OPA1: variants seen among roughly 807,000 people sequenced by gnomAD.
OPA1 encodes the protein dynamin-like GTPase OPA1, mitochondrial.
In OPA1, 59 loss-of-function variants were observed where a neutral mutation model predicts 152.9. That is an observed-to-expected ratio of 0.39 (90% confidence interval 0.31 to 0.48). The LOEUF (loss-of-function observed/expected upper bound fraction) is 0.48. Among genes scored for constraint, OPA1 ranks in the 20% least tolerant of loss-of-function variants. The probability of loss-of-function intolerance (pLI) is 0.96; values close to 1 mark genes in which losing one functional copy is unlikely to be tolerated. For missense variants in OPA1, 1,008 were observed against 1,216.8 expected, an observed-to-expected ratio of 0.83 and a Z score of 2.55; for synonymous variants, 400 against 389.9, an observed-to-expected ratio of 1.03 and a Z score of -0.31.
intron 7 of OPA1, among the ~76,000 whole-genome samples, chr3:193,630,226 GT>G (rs1274477646): frequency 6.6e-6 from 1 of 151,620 alleles, no homozygotes; most frequent in Non-Finnish European, 1.5e-5. Flanking sequence ...AACACACACA[GT>G]CAAAATGAAA....
At chr3:193,689,956 C>T (rs1721439629) in intron 29 of OPA1, among the ~76,000 whole-genome samples, 1 of 151,680 alleles carries the variant, frequency 6.6e-6, no homozygotes, top group Admixed American at 6.6e-5. Context: ...TCCTAACCTC[C>T]CCACTTTTTA....
intron 22 of OPA1, among the ~76,000 whole-genome samples, chr3:193,656,848 G>A (rs896062217): frequency 3.3e-5 from 5 of 152,050 alleles, no homozygotes; most frequent in African/African-American, 9.7e-5. Flanking sequence ...AATGAGAACC[G>A]CTATACATGT....
In OPA1 at chr3:193,626,119, C is replaced by G. The variant is rs779375399; in HGVS notation, c.706C>G (p.Gln236Glu). 2 of 1,613,960 alleles carry G rather than the reference C, an allele frequency of 1.2e-6. No individual in the cohort carries two copies. The highest frequency in any genetic ancestry group is 2.7e-5 in the African/African-American group (2 of 75,002). ...TCTGCTTGGTGAGCTCATTCTCTTA[C>G]AACAACAAATTCAAGAGCATGAAGA... Reference protein sequence around the residue: ...KGLLGELILLQQQIQEHEEEA... With the variant: ...KGLLGELILLEQQIQEHEEEA... The change falls in exon 7 of 31, where the codon CAA becomes GAA. Residue 236 changes from glutamine (Q) to glutamate (E), a missense_variant. Gln to Glu is a conservative substitution (Grantham distance 29). Coordinates refer to ENST00000361510, the MANE Select transcript of OPA1 (RefSeq NM_130837.3).
At chr3:193,670,945 A>T (rs550044339) in intron 29 of OPA1, among the ~76,000 whole-genome samples, 1 of 152,318 alleles carries the variant, frequency 6.6e-6, no homozygotes, top group East Asian at 1.9e-4. Flanking sequence ...AGGAGATGTC[A>T]GCAGGTCACA....
chr3:193,618,792 A>C (rs1729497374), intron 5 of OPA1, 77 bp from the exon 6 acceptor site: 1 of 1,144,834 alleles, frequency 8.7e-7, no homozygotes. Context: ...CTTTTCATTG[A>C]CTCGATGTAA....
At chr3:193,672,758 A>G (rs1370153476) in intron 29 of OPA1, among the ~76,000 whole-genome samples, 1 of 151,402 alleles carries the variant, frequency 6.6e-6, no homozygotes, top group Non-Finnish European at 1.5e-5. Context: ...AATTCCAGCT[A>G]CTCGGGAGGC....
chr3:193,663,599 A>G (rs547805435), intron 26 of OPA1, among the ~76,000 whole-genome samples: 20 of 152,266 alleles, frequency 1.3e-4, no homozygotes, highest in African/African-American at 3.8e-4. Context: ...AAGGAATTCA[A>G]AAGCTCCTTA....
At chr3:193,648,960 T>A in intron 21 of OPA1, 89 bp downstream of exon 21, 2 of 980,922 alleles carry the variant, frequency 2.0e-6, no homozygotes, top group Middle Eastern at 2.8e-4. Flanking sequence ...AAAGCAGTGA[T>A]TTATTGTTGC....
At chr3:193,692,176 A>C (rs759272343) in intron 30 of OPA1, 44 bp downstream of exon 30, 1 of 990,696 alleles carries the variant, frequency 1.0e-6, no homozygotes, top group Admixed American at 2.0e-5. Context: ...ACTAAATACA[A>C]AATTACACTT....
intron 13 of OPA1, 67 bp from the exon 14 acceptor site, chr3:193,643,306 C>A (rs1734059848): frequency 3.0e-6 from 4 of 1,316,718 alleles, no homozygotes; most frequent in South Asian, 2.4e-5. Flanking sequence ...TACATTTCAC[C>A]AAAAAAAATT....
chr3:193,628,588 C>G (rs1450117314), intron 7 of OPA1: 2 of 152,180 alleles, frequency 1.3e-5, no homozygotes, highest in Non-Finnish European at 2.9e-5. Context: ...GCTCTGGTTT[C>G]AAGACCATTG....
chr3:193,608,088 T>C (rs1000432504), intron 1 of OPA1, among the ~76,000 whole-genome samples: 15 of 152,194 alleles, frequency 9.9e-5, no homozygotes, highest in Non-Finnish European at 2.2e-4. Context: ...ATAAGAATGC[T>C]CTCTTTTGTT....
intron 21 of OPA1, among the ~76,000 whole-genome samples, chr3:193,650,449 C>T (rs757473287): frequency 1.2e-4 from 19 of 152,112 alleles, no homozygotes; most frequent in Non-Finnish European, 2.4e-4. Flanking sequence ...AAATATTTTC[C>T]ACATATTTTA....
At chr3:193,662,760 C>T (rs1715596289) in intron 25 of OPA1, 62 bp from the exon 26 acceptor site, 1 of 1,375,352 alleles carries the variant, frequency 7.3e-7, no homozygotes, top group South Asian at 1.2e-5. Flanking sequence ...AAAATTGAGA[C>T]TGTTTTTCAA....
chr3:193,644,348 T>C (rs776547122), intron 16 of OPA1, among the ~76,000 whole-genome samples: 1 of 152,108 alleles, frequency 6.6e-6, no homozygotes. Context: ...CACATTTAAT[T>C]CCTCCAGCAA....
At chr3:193,619,040 C>A in intron 6 of OPA1, 104 bp downstream of exon 6, 1 of 874,134 alleles carries the variant, frequency 1.1e-6, no homozygotes, top group Non-Finnish European at 1.9e-6. Flanking sequence ...GAAGCAAATA[C>A]AAAAACATCC....
chr3:193,654,006 C>T (rs1398292239), intron 21 of OPA1, among the ~76,000 whole-genome samples: 1 of 152,002 alleles, frequency 6.6e-6, no homozygotes, highest in Non-Finnish European at 1.5e-5. Flanking sequence ...CATGTAATTA[C>T]CATATGATCC....
chr3:193,642,981 G>A lies in OPA1; in HGVS notation c.1237G>A (p.Ala413Thr), dbSNP rs1734009987. Reference sequence around the variant, plus strand: ...ATTTTGTGTTTTCCATTAGCTTGCAGCATTAAGACATGAAATAGAACTTCG... The same window carrying A: ...ATTTTGTGTTTTCCATTAGCTTGCAACATTAAGACATGAAATAGAACTTCG... ...FDLTKEEDLA[A>T]LRHEIELRMR... Residue 413 changes from alanine to threonine, a missense_variant, in exon 13 of 31, where the codon GCA (alanine) becomes ACA (threonine). Ala to Thr is a moderately conservative substitution (Grantham distance 58, BLOSUM62 0). This residue lies in a region of OPA1 where 213 missense variants were observed against 291.4 expected (regional missense o/e 0.73). Transcript: ENST00000361510. The A allele has an allele frequency of 6.2e-7, 1 of 1,613,224 alleles. No individual in the cohort carries two copies. Among genetic ancestry groups the A allele is most frequent in the African/African-American group, 1.3e-5 (1 of 74,898 alleles).
At chr3:193,640,096 G>T (rs1472575814) in intron 11 of OPA1, among the ~76,000 whole-genome samples, 1 of 152,064 alleles carries the variant, frequency 6.6e-6, no homozygotes, top group African/African-American at 2.4e-5. Flanking sequence ...CAAGCAGTTG[G>T]GTATACAAGT....
Sources: allele counts gnomAD v4.1 joint callset (sites outside exome capture counted in the v4.1 genomes callset), GRCh38; gene constraint gnomAD v4.1.1; regional missense constraint gnomAD v4.1.1; transcripts MANE v1.5; gene names NCBI Gene and HGNC (gene_info 2026-07-23, HGNC 2026-07-21).